Variants in XPO4 observed in about 807,000 individuals in gnomAD.
XPO4 encodes the protein exportin-4.
In XPO4, 39 loss-of-function variants were observed where a neutral mutation model predicts 143.0. That is an observed-to-expected ratio of 0.27 (90% CI 0.21 to 0.36). XPO4 has a LOEUF of 0.36. Ranked by LOEUF, XPO4 falls within the 10% of genes least tolerant of loss-of-function variation. The pLI is 1.00. For synonymous variants in XPO4, 439 were observed against 474.0 expected (o/e 0.93, Z 0.96); for missense variants, 907 against 1,348.0 (o/e 0.67, Z 5.12).
chr13:20,848,735 C>T, intron 4 of XPO4: 2 of 985,308 alleles, frequency 2.0e-6, no homozygotes, highest in African/African-American at 1.7e-5. Flanking sequence ...TACTTCTATG[C>T]CCAGCACTAT....
chr13:20,879,342 T>G, intron 1 of XPO4: 1 of 978,922 alleles, frequency 1.0e-6, no homozygotes, highest in Non-Finnish European at 1.2e-6. Context: ...AAGGATTAAC[T>G]TGCCGGTCTG....
chr13:20,880,844 C>T (rs1469182496), intron 1 of XPO4, among the ~76,000 whole-genome samples: 2 of 151,750 alleles, frequency 1.3e-5, no homozygotes, highest in African/African-American at 2.4e-5. Flanking sequence ...TGTAGTCCCA[C>T]CTACTGGGCA....
chr13:20,872,484 AAG>A (rs2060308270), intron 1 of XPO4, among the ~76,000 whole-genome samples: 1 of 152,166 alleles, frequency 6.6e-6, no homozygotes, highest in African/African-American at 2.4e-5. Context: ...CCACATACAA[AAG>A]AGAGAGGCAT....
chr13:20,890,261 G>A (rs1316586046), intron 1 of XPO4, among the ~76,000 whole-genome samples: 1 of 151,890 alleles, frequency 6.6e-6, no homozygotes, highest in Admixed American at 6.6e-5. Context: ...ACCAGCCTGT[G>A]CAACACAGAC....
chr13:20,878,790 A>T (rs1266844498), intron 1 of XPO4, among the ~76,000 whole-genome samples: 3 of 152,168 alleles, frequency 2.0e-5, no homozygotes, highest in Non-Finnish European at 4.4e-5. Context: ...TTTTTAAAAG[A>T]TTGTAGGCAA....
chr13:20,808,964 T>C, intron 11 of XPO4, 119 bp downstream of exon 11: 1 of 1,156,444 alleles, frequency 8.6e-7, no homozygotes, highest in Non-Finnish European at 1.2e-6. Context: ...TGTCCATTTG[T>C]TCCAGTGTGC....
intron 6 of XPO4, among the ~76,000 whole-genome samples, chr13:20,833,774 G>A (rs1160745222): frequency 6.6e-6 from 1 of 152,122 alleles, no homozygotes. Flanking sequence ...ACAATTAGGT[G>A]ATCAGGCAAA....
intron 19 of XPO4, among the ~76,000 whole-genome samples, chr13:20,790,054 C>T (rs538082519): frequency 3.3e-5 from 5 of 152,292 alleles, no homozygotes; most frequent in African/African-American, 9.6e-5. Context: ...AAATGCCTTC[C>T]TTTGCTCAAT....
rs531879551 is a variant in XPO4, at chr13:20,810,248, T to C, written c.1174-281A>G. ...ACATTTTCTGTAGTCAAGAAGAGAA[T>C]TGTTAAAATAAAAAAAAATGTATAC... is the stretch of plus-strand genomic sequence containing the variant. On this transcript the variant is annotated intron_variant, in intron 9 of 22. Coordinates refer to ENST00000255305, the MANE Select transcript of XPO4 (RefSeq NM_022459.5). Among the ~76,000 whole-genome samples, 75 of 152,178 alleles carry C rather than the reference T, an allele frequency of 4.9e-4. 1 individual carries two copies. Among genetic ancestry groups the C allele is most frequent in the African/African-American group, 1.7e-3 (70 of 41,554 alleles).
At chr13:20,850,131 G>C in intron 4 of XPO4, 2 of 984,934 alleles carry the variant, frequency 2.0e-6, no homozygotes, top group Non-Finnish European at 2.4e-6. Context: ...CAAATGATTA[G>C]TTTCACTCAT....
chr13:20,866,373 G>A (rs963001592), intron 2 of XPO4: 2 of 984,814 alleles, frequency 2.0e-6, no homozygotes, highest in Non-Finnish European at 2.4e-6. Context: ...AGAATTTTAA[G>A]AGGCCAGAAA....
chr13:20,788,054 T>G (rs987183627), intron 20 of XPO4, among the ~76,000 whole-genome samples: 1 of 131,648 alleles, frequency 7.6e-6, no homozygotes, highest in African/African-American at 3.2e-5. Context: ...TTTTTGTTTT[T>G]TTGTTTTTTT....
intron 10 of XPO4, 89 bp from the exon 11 acceptor site, chr13:20,809,314 TAAGCACTGCATAGCAAA>T (rs2059546854): frequency 2.0e-6 from 3 of 1,486,190 alleles, no homozygotes. Context: ...CTTAGATAGC[TAAGCACTGCATAGCAAA>T]AGGAGAGGGG....
chr13:20,843,929 TC>T, intron 4 of XPO4, 43 bp from the exon 5 acceptor site: 1 of 1,440,288 alleles, frequency 6.9e-7, no homozygotes. Context: ...CATTACTGTT[TC>T]AACGCTTTGT....
rs138724189 is a variant in XPO4, at chr13:20,885,263, T to C, written c.70-16562A>G. ...CCGTGCCCAGCCAGGAGAGAGGTAT[T>C]TTTAAGCTAGTCTTTGTATTACTCT... On this transcript the variant is annotated intron_variant, in intron 1 of 22. Coordinates refer to ENST00000255305, the MANE Select transcript of XPO4 (RefSeq NM_022459.5). Among the ~76,000 whole-genome samples the C allele has an allele frequency of 8.8e-3, 1,348 of 152,318 alleles. 8 individuals are homozygous for C. The highest frequency in any genetic ancestry group is 0.014 in the Middle Eastern group (4 of 294).
intron 6 of XPO4, among the ~76,000 whole-genome samples, chr13:20,832,690 T>C (rs2059867343): frequency 6.6e-6 from 1 of 152,202 alleles, no homozygotes; most frequent in Non-Finnish European, 1.5e-5. Context: ...CAAAAACTGC[T>C]ACTTCTCCTG....
chr13:20,816,040 C>T (rs1042896207), intron 9 of XPO4, among the ~76,000 whole-genome samples: 9 of 152,332 alleles, frequency 5.9e-5, no homozygotes, highest in South Asian at 2.1e-4. Context: ...GTGGTTGATA[C>T]ATAATCGTTC....
chr13:20,808,399 T>C lies in XPO4; in HGVS notation c.1639+37A>G, dbSNP rs376279537. 2.7e-6 allele frequency: 4 copies of C among 1,492,002 alleles called. No homozygotes were observed. The African/African-American group carries it at 4.1e-5, about 15-fold the overall frequency. 92.4% of individuals were successfully genotyped at this position (1,492,002 alleles called of 1,614,324 possible). A position where few individuals can be genotyped will look rare whatever the true frequency, so the allele number is the denominator to read the frequency against. On this transcript the variant is annotated intron_variant, in intron 12 of 22. Transcript: ENST00000255305. ...TTCTTTTAAGGCTTAAATTGCTCAG[T>C]TGGCAATTACATTTTAAAAAGAAAC...
chr13:20,873,649 T>C (rs1376159359), intron 1 of XPO4, among the ~76,000 whole-genome samples: 5 of 152,158 alleles, frequency 3.3e-5, no homozygotes, highest in Admixed American at 2.6e-4. Context: ...CTTTCTTTTT[T>C]TGAGACAGAG....
Sources: allele counts gnomAD v4.1 joint callset (sites outside exome capture counted in the v4.1 genomes callset), GRCh38; gene constraint gnomAD v4.1.1; transcripts MANE v1.5; gene names NCBI Gene and HGNC (gene_info 2026-07-23, HGNC 2026-07-21).